Variants in TCP10L observed in about 807,000 individuals in gnomAD.
TCP10L encodes t-complex 10 like, also known as T-complex protein 10A homolog 1.
TCP10L carries 11 observed loss-of-function variants against 19.2 expected under a neutral mutation model. That is an observed-to-expected ratio of 0.57 (90% CI 0.36 to 0.95). The LOEUF (loss-of-function observed/expected upper bound fraction) is 0.95, where lower values mean the gene tolerates loss of function less well. TCP10L is among the 40% of genes least tolerant of loss of function. The pLI is 0.01. For synonymous variants in TCP10L, 96 were observed against 97.2 expected (o/e 0.99, Z 0.07); for missense variants, 247 against 263.9 (o/e 0.94, Z 0.44).
At chr21:32,579,713 C>T (rs2038470938) in intron 3 of TCP10L, among the ~76,000 whole-genome samples, 1 of 152,152 alleles carries the variant, frequency 6.6e-6, no homozygotes, top group Admixed American at 6.5e-5. Flanking sequence ...CTGAATAAGA[C>T]TTCATTGACT....
rs1041957627 is a variant in TCP10L at position 32,575,128 on chromosome 21, T to C, written c.*1646A>G. On this transcript the variant is annotated 3_prime_UTR_variant, in exon 5 of 5. Coordinates refer to ENST00000300258, the MANE Select transcript of TCP10L (RefSeq NM_144659.7). ...ATGGCGTCACTGTCAGCTGAGATGA[T>C]GCCTGGAGGTTGCGGAGATACTAGC... is the stretch of plus-strand genomic sequence containing the variant. 6.6e-6 allele frequency: 1 copy of C among 152,332 alleles called. No homozygotes were observed. Among genetic ancestry groups the C allele is most frequent in the Non-Finnish European group, 1.5e-5 (1 of 68,144 alleles). The allele number at this position is 152,332 out of a possible 1,614,324, so 9.4% of individuals were successfully genotyped here.
chr21:32,580,246 T>C (rs2038477251), intron 3 of TCP10L, among the ~76,000 whole-genome samples: 1 of 151,968 alleles, frequency 6.6e-6, no homozygotes, highest in Non-Finnish European at 1.5e-5. Context: ...GCTGGGACTA[T>C]AGGCACCCGC....
intron 2 of TCP10L, among the ~76,000 whole-genome samples, chr21:32,583,291 T>G (rs2038517097): frequency 6.6e-6 from 1 of 151,780 alleles, no homozygotes; most frequent in African/African-American, 2.4e-5. Flanking sequence ...GTCAATAGTT[T>G]AAAAATTATG....
chr21:32,581,670 A>G (rs567782021), intron 3 of TCP10L, among the ~76,000 whole-genome samples: 2 of 152,256 alleles, frequency 1.3e-5, no homozygotes, highest in East Asian at 1.9e-4. Flanking sequence ...GGACAAGGGA[A>G]CTTTTCCCGT....
At chr21:32,584,335 A>T (rs1295661759) in intron 1 of TCP10L, 30 bp from the exon 2 acceptor site, 4 of 1,601,650 alleles carry the variant, frequency 2.5e-6, no homozygotes, top group Non-Finnish European at 3.4e-6. Context: ...CTATGGGGAC[A>T]CTTGAATGCA....
rs920880159 is a variant in TCP10L at position 32,575,978 on chromosome 21, T to G, written c.*796A>C. 1.1e-5 allele frequency: 3 copies of G among 264,274 alleles called. No homozygotes were observed. Among genetic ancestry groups the G allele is most frequent in the Admixed American group, 4.7e-5 (1 of 21,298 alleles). The allele number at this position is 264,274 out of a possible 1,614,324, so 16.4% of individuals were successfully genotyped here. ...GACCGCTAGGATTCGGAATCTCCAG[T>G]CACGGCCCCTGGAGACCGGCATGTG... On this transcript the variant is annotated 3_prime_UTR_variant, in exon 5 of 5. Coordinates refer to ENST00000300258, the MANE Select transcript of TCP10L (RefSeq NM_144659.7).
rs1279349089 is a variant in TCP10L at position 32,575,922 on chromosome 21, C to G, written c.*852G>C. On this transcript the variant is annotated 3_prime_UTR_variant, in exon 5 of 5. Transcript: ENST00000300258. ...AAGTGCATCTAGCCCCAGCCACACG[C>G]CTTCTGCTGGGAGTGTGCTCAGAGG... 5.2e-6 allele frequency: 1 copy of G among 190,558 alleles called. No individual in the cohort carries two copies. The highest frequency in any genetic ancestry group is 1.1e-5 in the Non-Finnish European group (1 of 91,276). The allele number at this position is 190,558 out of a possible 1,614,324, so 11.8% of individuals were successfully genotyped here.
rs1269728637 is a variant in TCP10L at position 32,584,148 on chromosome 21, G to A, written c.144+13C>T. 1.2e-6 allele frequency: 2 copies of A among 1,608,664 alleles called. No individual in the cohort carries two copies. Among genetic ancestry groups the A allele is most frequent in the Admixed American group, 3.3e-5 (2 of 59,790 alleles). ...TGGTGGGACTAACTCTGTCCCCACA[G>A]AGCTCAACTCACTGGCATCTCCCCA... On this transcript the variant is annotated intron_variant, in intron 2 of 4. Transcript: ENST00000300258.
chr21:32,579,306 C>G (rs1032885324), intron 3 of TCP10L, among the ~76,000 whole-genome samples: 1 of 152,112 alleles, frequency 6.6e-6, no homozygotes, highest in Non-Finnish European at 1.5e-5. Context: ...TATATTAGGT[C>G]TGGAATGCTA....
chr21:32,581,579 C>G (rs774149927), intron 3 of TCP10L, among the ~76,000 whole-genome samples: 9 of 152,170 alleles, frequency 5.9e-5, no homozygotes, highest in Non-Finnish European at 1.3e-4. Flanking sequence ...CATAGCCTGC[C>G]GGTCTGTACA....
rs77391595 is a variant in TCP10L at position 32,584,188 on chromosome 21, C to T, written c.117G>A (p.Thr39=). The part of the protein sequence containing the change: ...EKTAVAAEVL[T]EDCNTGEMPP... Reference sequence around the variant, plus strand: ...GCATCTCCCCAGTGTTGCAGTCCTCCGTGAGAACCTCGGCTGCCACAGCTG... The same window carrying T: ...GCATCTCCCCAGTGTTGCAGTCCTCTGTGAGAACCTCGGCTGCCACAGCTG... Residue 39 remains threonine (T), a synonymous_variant, in exon 2 of 5, where the codon ACG becomes ACA. Coordinates refer to ENST00000300258, the MANE Select transcript of TCP10L (RefSeq NM_144659.7). 3,084 of 1,613,958 alleles carry T rather than the reference C, an allele frequency of 1.9e-3. 63 individuals are homozygous for T. In the African/African-American group the frequency reaches 0.036, roughly 19 times the overall value.
At chr21:32,583,588 C>CA (rs771224269) in intron 2 of TCP10L, among the ~76,000 whole-genome samples, 2,443 of 82,516 alleles carry the variant, frequency 0.03, 101 homozygotes, top group African/African-American at 0.048. Flanking sequence ...GACTCCGTCT[C>CA]AAAAAAAAAA....
chr21:32,576,230 C>T lies in TCP10L; in HGVS notation c.*544G>A, dbSNP rs1028294703. 1.6e-5 allele frequency: 24 copies of T among 1,535,222 alleles called. No homozygotes were observed. The highest frequency in any genetic ancestry group is 1.1e-4 in the Admixed American group (6 of 56,128). ...TGCTCACCAGCTCCTCCGGCTGCTG[C>T]CATCTGCTCCTGCAGCATGGCGGCC... On this transcript the variant is annotated 3_prime_UTR_variant, in exon 5 of 5. Coordinates refer to ENST00000300258, the MANE Select transcript of TCP10L (RefSeq NM_144659.7).
Position 32,582,448 on chromosome 21 carries a change from C to A in TCP10L, c.145-33G>T. ...TGGGAAGAGAACACCAGAAAAACCTCTCAGATGTCACAATGGGCACATTTA... is the reference window on the plus strand; with the variant it reads ...TGGGAAGAGAACACCAGAAAAACCTATCAGATGTCACAATGGGCACATTTA... On this transcript the variant is annotated intron_variant, in intron 2 of 4. Coordinates refer to ENST00000300258, the MANE Select transcript of TCP10L (RefSeq NM_144659.7). This position sits in a 1 kb window ranked among gnomAD's most constrained non-coding sequence, Gnocchi z 4.2. 6.3e-7 allele frequency: 1 copy of A among 1,591,902 alleles called. No homozygotes were observed. Among genetic ancestry groups the A allele is most frequent in the South Asian group, 1.1e-5 (1 of 87,238 alleles).
rs1337002409 is a variant in TCP10L at position 32,575,333 on chromosome 21, A to G, written c.*1441T>C. ...TGCAGAGGGGACTGTGAGGGCACGC[A>G]GAGCCTGAGGTGGTCTGAAGCAGAC... is the stretch of plus-strand genomic sequence containing the variant. On this transcript the variant is annotated 3_prime_UTR_variant, in exon 5 of 5. Coordinates refer to ENST00000300258, the MANE Select transcript of TCP10L (RefSeq NM_144659.7). 6.5e-6 allele frequency: 1 copy of G among 152,986 alleles called. No individual in the cohort carries two copies. Among genetic ancestry groups the G allele is most frequent in the Admixed American group, 6.5e-5 (1 of 15,286 alleles). The allele number at this position is 152,986 out of a possible 1,614,324, so 9.5% of individuals were successfully genotyped here. A position where few individuals can be genotyped will look rare whatever the true frequency, so the allele number is the denominator to read the frequency against.
At position 32,581,401 on chromosome 21, in the gene TCP10L, T is replaced by G. The variant is rs149416957; in HGVS notation, c.360+799A>C. Among the ~76,000 whole-genome samples the G allele has an allele frequency of 2.6e-3, 401 of 152,262 alleles. 13 individuals are homozygous for G. In the East Asian group the frequency reaches 0.059, roughly 22 times the overall value. The stretch of plus-strand genomic sequence containing the variant: ...GGTACACCAAGGCAAGAACCCAGGA[T>G]ACAGAAAGCCCTCTGTCCTTGTGAT... On this transcript the variant is annotated intron_variant, in intron 3 of 4. Coordinates refer to ENST00000300258, the MANE Select transcript of TCP10L (RefSeq NM_144659.7).
intron 3 of TCP10L, among the ~76,000 whole-genome samples, chr21:32,579,653 G>A (rs2038470492): frequency 6.6e-6 from 1 of 152,194 alleles, no homozygotes; most frequent in African/African-American, 2.4e-5. Context: ...AATTCACCAA[G>A]CTCTAATCTC....
rs891437828 is a variant in TCP10L, at chr21:32,584,446, C to T, written c.-1-141G>A. ...TCTCCCCCTGGGTCATGTGCACATT[C>T]CCAGGCCCGAAGCTGACCAGGTGAA... is the stretch of plus-strand genomic sequence containing the variant. On this transcript the variant is annotated intron_variant, in intron 1 of 4. Transcript: ENST00000300258. The T allele has an allele frequency of 2.0e-4, 255 of 1,254,052 alleles. No homozygotes were observed. In the African/African-American group the frequency reaches 3.4e-3, roughly 17 times the overall value. The allele number at this position is 1,254,052 out of a possible 1,614,324, so 77.7% of individuals were successfully genotyped here.
intron 2 of TCP10L, 88 bp downstream of exon 2, chr21:32,584,073 C>A: frequency 2.0e-6 from 3 of 1,507,792 alleles, no homozygotes; most frequent in Non-Finnish European, 2.7e-6. Flanking sequence ...AGGGGTCCAG[C>A]AAGGGAAAGT....
Sources: gnomAD v4.1 joint callset for allele counts (sites outside exome capture counted in the v4.1 genomes callset) on GRCh38, gnomAD v4.1.1 for gene constraint, Gnocchi (gnomAD v3.1) non-coding constraint, MANE v1.5 for transcripts, NCBI Gene and HGNC (gene_info 2026-07-23, HGNC 2026-07-21) for gene names.